LPP: variants seen among roughly 807,000 people sequenced by gnomAD.
LPP encodes the protein LIM domain containing preferred translocation partner in lipoma.
Under a neutral mutation model 60.4 loss-of-function variants are expected in LPP, and 38 were observed. The ratio of observed to expected loss-of-function variants is 0.63; its 90% CI spans 0.49 to 0.83. LPP has a LOEUF of 0.83. Among genes scored for constraint, LPP ranks in the 40% least tolerant of loss-of-function variants. The pLI, the probability that LPP is intolerant of heterozygous loss-of-function variation, is 0.00. For synonymous variants in LPP, 328 were observed against 290.8 expected, an observed-to-expected ratio of 1.13 and a Z score of -1.30; for missense variants, 902 against 783.6, an observed-to-expected ratio of 1.15 and a Z score of -1.80.
intron 3 of LPP, among the ~76,000 whole-genome samples, chr3:188,357,561 G>T (rs1430472377): frequency 1.3e-5 from 2 of 152,174 alleles, no homozygotes; most frequent in Admixed American, 1.3e-4. Flanking sequence ...CCGGGTTTAG[G>T]CTGGAGGTTG....
chr3:188,551,536 G>A (rs1828118395), intron 6 of LPP, among the ~76,000 whole-genome samples: 1 of 152,158 alleles, frequency 6.6e-6, no homozygotes, highest in African/African-American at 2.4e-5. Context: ...GGGAACAAAT[G>A]CTGTAATAAT....
At chr3:188,805,489 T>C (rs974189837) in intron 9 of LPP, among the ~76,000 whole-genome samples, 2 of 151,518 alleles carry the variant, frequency 1.3e-5, no homozygotes, top group African/African-American at 4.8e-5. Context: ...ATTTCTTTTT[T>C]TTCTTCTTGG....
Position 188,360,538 on chromosome 3 carries a change from G to A in LPP, c.-10+18819G>A, listed in dbSNP as rs147429081. On this transcript the variant is annotated intron_variant, in intron 3 of 11. Transcript: ENST00000617246. ...ATTACATAACTTTTTTTTTCTTTTT[G>A]TGGAGATGGGGTCTCACTATGCTGC... Among the ~76,000 whole-genome samples the A allele has an allele frequency of 2.2e-3, 321 of 148,170 alleles. 1 individual carries two copies. Among genetic ancestry groups the A allele is most frequent in the African/African-American group, 7.7e-3 (309 of 40,302 alleles).
intron 3 of LPP, among the ~76,000 whole-genome samples, chr3:188,381,823 T>C: frequency 6.6e-6 from 1 of 152,244 alleles, no homozygotes; most frequent in East Asian, 1.9e-4. Context: ...TGTTGTTGAT[T>C]TAAATTAAAT....
At chr3:188,496,300 A>G (rs907606180) in intron 5 of LPP, among the ~76,000 whole-genome samples, 2 of 151,234 alleles carry the variant, frequency 1.3e-5, no homozygotes, top group African/African-American at 2.4e-5. Flanking sequence ...TAATTTTTGT[A>G]TTTTTTTTAG....
At chr3:188,233,472 G>C (rs1033663119) in intron 2 of LPP, among the ~76,000 whole-genome samples, 5 of 152,268 alleles carry the variant, frequency 3.3e-5, no homozygotes, top group African/African-American at 1.2e-4. Flanking sequence ...AATGCCAACT[G>C]GTTTGAGTTA....
intron 7 of LPP, among the ~76,000 whole-genome samples, chr3:188,636,405 T>C (rs1010120469): frequency 2.0e-5 from 3 of 152,184 alleles, no homozygotes; most frequent in Admixed American, 6.5e-5. Flanking sequence ...CGGAGGGTCC[T>C]ACCCCATGGA....
intron 8 of LPP, among the ~76,000 whole-genome samples, chr3:188,748,787 G>GTAA (rs909202241): frequency 6.6e-6 from 1 of 152,002 alleles, no homozygotes; most frequent in East Asian, 1.9e-4. Context: ...CTGTCTCAAA[G>GTAA]TAATAATAAT....
At chr3:188,452,237 T>A (rs762861646) in intron 4 of LPP, among the ~76,000 whole-genome samples, 9 of 152,200 alleles carry the variant, frequency 5.9e-5, no homozygotes, top group Non-Finnish European at 1.0e-4. Context: ...TCAATGAATA[T>A]CCCTCCGTAT....
chr3:188,701,750 C>A (rs1515429), intron 7 of LPP, among the ~76,000 whole-genome samples: 1 of 148,354 alleles, frequency 6.7e-6, no homozygotes, highest in Non-Finnish European at 1.5e-5. Flanking sequence ...TATCTGGCTG[C>A]GTTTTTTTTT....
chr3:188,525,259 C>T (rs959005422), intron 6 of LPP, among the ~76,000 whole-genome samples: 2 of 152,152 alleles, frequency 1.3e-5, no homozygotes, highest in African/African-American at 4.8e-5. Context: ...GCCACCATGC[C>T]CGGCCCTTTT....
At chr3:188,556,689 C>T (rs1310907083) in intron 6 of LPP, among the ~76,000 whole-genome samples, 2 of 151,816 alleles carry the variant, frequency 1.3e-5, no homozygotes, top group African/African-American at 4.8e-5. Context: ...ACATAGTTCT[C>T]CAGATTGTGA....
intron 3 of LPP, among the ~76,000 whole-genome samples, chr3:188,355,691 T>A (rs1381885701): frequency 1.3e-5 from 2 of 152,176 alleles, no homozygotes; most frequent in Non-Finnish European, 2.9e-5. Flanking sequence ...AAAGTGCTAT[T>A]TACAGTAATG....
At chr3:188,518,860 A>G (rs1280920889) in intron 5 of LPP, among the ~76,000 whole-genome samples, 3 of 151,894 alleles carry the variant, frequency 2.0e-5, no homozygotes, top group Admixed American at 2.0e-4. Context: ...AGATTTTCCT[A>G]TGTAACAGTT....
chr3:188,714,119 C>T (rs1175720965), intron 8 of LPP, among the ~76,000 whole-genome samples: 1 of 152,136 alleles, frequency 6.6e-6, no homozygotes, highest in Non-Finnish European at 1.5e-5. Context: ...GTGAGTTGTT[C>T]AAGCTCACAT....
chr3:188,745,724 T>C (rs1285913378), intron 8 of LPP, among the ~76,000 whole-genome samples: 1 of 152,150 alleles, frequency 6.6e-6, no homozygotes, highest in Non-Finnish European at 1.5e-5. Flanking sequence ...GGGATAGAAA[T>C]GAAACAGACT....
intron 3 of LPP, among the ~76,000 whole-genome samples, chr3:188,371,847 G>A (rs1383703744): frequency 8.6e-5 from 13 of 150,620 alleles, no homozygotes; most frequent in Admixed American, 6.6e-4. Flanking sequence ...TAGTAGAGAC[G>A]GGGTTTCGCC....
At chr3:188,199,764 G>T (rs758795032) in intron 1 of LPP, among the ~76,000 whole-genome samples, 75 of 151,536 alleles carry the variant, frequency 4.9e-4, no homozygotes, top group Non-Finnish European at 9.3e-4. Flanking sequence ...ACCTAGGCTG[G>T]AGTTCAATGG....
At position 188,887,312 on chromosome 3, in the gene LPP, C is replaced by T. The variant is rs1455638873; in HGVS notation, c.*12833C>T. On this transcript the variant is annotated 3_prime_UTR_variant, in exon 12 of 12. Coordinates refer to ENST00000617246, the MANE Select transcript of LPP (RefSeq NM_001375462.1). ...AAGTATAAAAGGGAAAAAGTCAGTT[C>T]CTTCTTCTCTCTCTTTCTCTTTGGG... 6 of 217,578 alleles carry T rather than the reference C, an allele frequency of 2.8e-5. No individual in the cohort carries two copies. The highest frequency in any genetic ancestry group is 1.3e-4 in the African/African-American group (6 of 44,568). The allele number at this position is 217,578 out of a possible 1,614,324, so 13.5% of individuals were successfully genotyped here. A position where few individuals can be genotyped will look rare whatever the true frequency, so the allele number is the denominator to read the frequency against.
Sources: gnomAD v4.1 joint callset for allele counts (sites outside exome capture counted in the v4.1 genomes callset) on GRCh38, gnomAD v4.1.1 for gene constraint, MANE v1.5 for transcripts, NCBI Gene and HGNC (gene_info 2026-07-23, HGNC 2026-07-21) for gene names.